Variants in ROR1 observed in about 807,000 individuals in gnomAD.
The protein encoded by ROR1 is ROR family WNT receptor 1.
Under a neutral mutation model 78.8 loss-of-function variants are expected in ROR1, and 19 were observed. That is an observed-to-expected ratio of 0.24 (90% CI 0.17 to 0.35). The LOEUF (loss-of-function observed/expected upper bound fraction) is 0.35. Ranked by LOEUF, ROR1 falls within the 10% of genes least tolerant of loss-of-function variation. The pLI, the probability that ROR1 is intolerant of heterozygous loss-of-function variation, is 1.00. For missense variants in ROR1, 917 were observed against 1,177.8 expected, an observed-to-expected ratio of 0.78 and a Z score of 3.24; for synonymous variants, 386 against 433.6, an observed-to-expected ratio of 0.89 and a Z score of 1.36.
chr1:64,041,778 G>A lies in ROR1; in HGVS notation c.164-7913G>A, dbSNP rs114615133. On this transcript the variant is annotated intron_variant, in intron 2 of 8. Coordinates refer to ENST00000371079, the MANE Select transcript of ROR1 (RefSeq NM_005012.4). ...CTTGTGTTTTCAAGAAAATGTGTTC[G>A]GCCAGCACCCAGCCCAGCACAGCAC... Among the ~76,000 whole-genome samples the A allele has an allele frequency of 3.8e-3, 573 of 152,194 alleles. 2 individuals are homozygous for A. Among genetic ancestry groups the A allele is most frequent in the African/African-American group, 0.013 (536 of 41,526 alleles).
intron 4 of ROR1, among the ~76,000 whole-genome samples, chr1:64,080,105 G>A (rs746260448): frequency 4.5e-4 from 68 of 152,058 alleles, no homozygotes; most frequent in Non-Finnish European, 8.4e-4. Flanking sequence ...AGATGTTTGC[G>A]CATCTTTCAT....
At chr1:64,059,708 TAAAA>T (rs75359961) in intron 4 of ROR1, among the ~76,000 whole-genome samples, 2 of 130,850 alleles carry the variant, frequency 1.5e-5, no homozygotes, top group African/African-American at 2.9e-5. Context: ...GACTCCATCT[TAAAA>T]AAAAAAAAAA....
intron 1 of ROR1, among the ~76,000 whole-genome samples, chr1:63,806,609 G>T (rs768712282): frequency 6.6e-6 from 1 of 152,152 alleles, no homozygotes; most frequent in Non-Finnish European, 1.5e-5. Flanking sequence ...GAGCCACCGC[G>T]CCTGGCCCAG....
At chr1:63,808,425 T>C (rs1644841962) in intron 1 of ROR1, among the ~76,000 whole-genome samples, 1 of 152,196 alleles carries the variant, frequency 6.6e-6, no homozygotes, top group African/African-American at 2.4e-5. Context: ...AAAGTAACAT[T>C]TACATGAGAG....
At chr1:64,007,220 C>G (rs1259604367) in intron 1 of ROR1, among the ~76,000 whole-genome samples, 1 of 152,156 alleles carries the variant, frequency 6.6e-6, no homozygotes, top group Non-Finnish European at 1.5e-5. Flanking sequence ...GACTCTACGA[C>G]AGATCCCAGG....
intron 7 of ROR1, chr1:64,143,164 G>A (rs1409779582): frequency 1.0e-6 from 1 of 989,192 alleles, no homozygotes; most frequent in African/African-American, 1.7e-5. Flanking sequence ...TAGGTATCTA[G>A]TAAGAAAATG....
At chr1:64,102,202 A>G (rs774680501) in intron 4 of ROR1, among the ~76,000 whole-genome samples, 1 of 152,170 alleles carries the variant, frequency 6.6e-6, no homozygotes, top group Non-Finnish European at 1.5e-5. Flanking sequence ...GTTTGTTTTA[A>G]CAGCTCCGCT....
At chr1:63,824,932 T>C (rs1449877046) in intron 1 of ROR1, among the ~76,000 whole-genome samples, 1 of 152,174 alleles carries the variant, frequency 6.6e-6, no homozygotes, top group Non-Finnish European at 1.5e-5. Flanking sequence ...TGGTAAATAT[T>C]TGTCAGTGTT....
At chr1:64,161,426 G>A (rs1044734034) in intron 8 of ROR1, among the ~76,000 whole-genome samples, 1 of 152,224 alleles carries the variant, frequency 6.6e-6, no homozygotes, top group South Asian at 2.1e-4. Flanking sequence ...CATTTGGTCA[G>A]TTTGTGCTTC....
At chr1:63,948,261 A>G (rs1374676923) in intron 1 of ROR1, among the ~76,000 whole-genome samples, 2 of 152,200 alleles carry the variant, frequency 1.3e-5, no homozygotes, top group East Asian at 3.8e-4. Context: ...AATAGATACT[A>G]TAATAGTACA....
In ROR1 at chr1:63,822,405, G is replaced by T. The variant is rs554516611; in HGVS notation, c.91+47897G>T. On this transcript the variant is annotated intron_variant, in intron 1 of 8. Coordinates refer to ENST00000371079, the MANE Select transcript of ROR1 (RefSeq NM_005012.4). The stretch of plus-strand genomic sequence containing the variant: ...ATTCTACTTATATGAGCATCCAGAA[G>T]TCCTCAATTTTATTAGGATATCTTT... 2.6e-4 allele frequency among the ~76,000 whole-genome samples: 39 copies of T among 152,174 alleles called. No homozygotes were observed. In the South Asian group the frequency reaches 7.5e-3, roughly 29 times the overall value.
At chr1:64,028,388 A>G (rs1646631383) in intron 2 of ROR1, among the ~76,000 whole-genome samples, 1 of 152,164 alleles carries the variant, frequency 6.6e-6, no homozygotes, top group Non-Finnish European at 1.5e-5. Context: ...GTGACATTTG[A>G]GTTGGGTATT....
chr1:63,785,701 T>A (rs549088118), intron 1 of ROR1, among the ~76,000 whole-genome samples: 4 of 151,590 alleles, frequency 2.6e-5, no homozygotes, highest in Admixed American at 2.0e-4. Flanking sequence ...AATTTTTGTA[T>A]TTTTAGTAGA....
intron 2 of ROR1, among the ~76,000 whole-genome samples, chr1:64,025,824 A>G (rs573171197): frequency 1.3e-5 from 2 of 152,256 alleles, no homozygotes; most frequent in East Asian, 1.9e-4. Flanking sequence ...TGAGAATGCA[A>G]AGGCATAAGA....
chr1:63,775,670 T>C (rs1644612401), intron 1 of ROR1, among the ~76,000 whole-genome samples: 3 of 152,242 alleles, frequency 2.0e-5, no homozygotes, highest in African/African-American at 7.2e-5. Flanking sequence ...AGACTACGAA[T>C]GCAGAATTAG....
intron 1 of ROR1, among the ~76,000 whole-genome samples, chr1:63,980,896 C>T (rs1157716628): frequency 3.9e-5 from 6 of 152,226 alleles, no homozygotes; most frequent in Non-Finnish European, 8.8e-5. Flanking sequence ...TTACATAGCT[C>T]TGCAGGCTAA....
intron 1 of ROR1, among the ~76,000 whole-genome samples, chr1:63,849,565 G>T (rs1453642936): frequency 2.6e-5 from 4 of 152,108 alleles, no homozygotes; most frequent in African/African-American, 9.7e-5. Context: ...GGGGTGTGGG[G>T]TGGGCGCCTG....
At chr1:63,821,324 G>A (rs1042350939) in intron 1 of ROR1, among the ~76,000 whole-genome samples, 2 of 152,142 alleles carry the variant, frequency 1.3e-5, no homozygotes, top group Admixed American at 6.5e-5. Flanking sequence ...CTTCCTCTTC[G>A]GTTTTCAATG....
At chr1:63,781,855 CTG>C (rs1039705700) in intron 1 of ROR1, among the ~76,000 whole-genome samples, 1 of 152,182 alleles carries the variant, frequency 6.6e-6, no homozygotes, top group Non-Finnish European at 1.5e-5. Flanking sequence ...GAGTAAGTAA[CTG>C]TGCAGTCACC....
Sources: gnomAD v4.1 joint callset for allele counts (sites outside exome capture counted in the v4.1 genomes callset) on GRCh38, gnomAD v4.1.1 for gene constraint, MANE v1.5 for transcripts, NCBI Gene and HGNC (gene_info 2026-07-23, HGNC 2026-07-21) for gene names.